SIX5: variants seen among roughly 807,000 people sequenced by gnomAD.
SIX5 encodes the protein SIX homeobox 5.
SIX5 carries 21 observed loss-of-function variants against 37.1 expected under a neutral mutation model. The ratio of observed to expected loss-of-function variants is 0.57; its 90% CI spans 0.40 to 0.81. The LOEUF (loss-of-function observed/expected upper bound fraction) is 0.81, where lower values mean the gene tolerates loss of function less well. SIX5 is among the 40% of genes least tolerant of loss of function. The pLI is 0.00. For missense variants in SIX5, 1,137 were observed against 1,025.1 expected (o/e 1.11, Z -1.49); for synonymous variants, 626 against 505.9 (o/e 1.24, Z -3.19).
chr19:45,766,836 G>T lies in SIX5; in HGVS notation c.1123C>A (p.Gln375Lys). The T allele has an allele frequency of 6.5e-7, 1 of 1,547,360 alleles. No homozygotes were observed. The highest frequency in any genetic ancestry group is 8.7e-7 in the Non-Finnish European group (1 of 1,149,270). ...GGAPPPQPSP[Q>K]GASETKTSLV... ...GAGGTCTTGGTCTCGCTGGCCCCCT[G>T]AGGGCTGGGCTGCGGTGGAGGGGCA... The change falls in exon 2 of 3, where the codon CAG (glutamine) becomes AAG (lysine). Residue 375 changes from glutamine to lysine, a missense_variant. By Grantham distance (53) the Gln-to-Lys change is moderately conservative. Around this residue, in one of 3 missense-constraint regions of SIX5, gnomAD observed 787 missense variants for 621.4 expected, o/e 1.27. Transcript: ENST00000317578.
In SIX5 at chr19:45,768,600, G is replaced by A; in HGVS notation, c.245C>T (p.Thr82Met). 1.5e-6 allele frequency: 2 copies of A among 1,325,528 alleles called. No individual in the cohort carries two copies. Among genetic ancestry groups the A allele is most frequent in the Non-Finnish European group, 9.6e-7 (1 of 1,046,950 alleles). 82.1% of individuals were successfully genotyped at this position (1,325,528 alleles called of 1,614,324 possible). ...SPPEAASEPP[T>M]GLRFSPEQVA... ...CTGCTCGGGCGAGAAGCGGAGGCCCGTGGGCGGTTCGGAAGCGGCCTCGGG... is the reference window on the plus strand; with the variant it reads ...CTGCTCGGGCGAGAAGCGGAGGCCCATGGGCGGTTCGGAAGCGGCCTCGGG... Residue 82 changes from threonine to methionine, a missense_variant, in exon 1 of 3, where the codon ACG becomes ATG. Coordinates refer to ENST00000317578, the MANE Select transcript of SIX5 (RefSeq NM_175875.5).
chr19:45,767,376 C>T (rs1044894729), intron 1 of SIX5, among the ~76,000 whole-genome samples: 2 of 152,168 alleles, frequency 1.3e-5, no homozygotes, highest in African/African-American at 4.8e-5. Context: ...CCTTGCTCTC[C>T]CCCACCTCGG....
chr19:45,766,042 T>C lies in SIX5; in HGVS notation c.1679A>G (p.Lys560Arg). ...IVTGVALQQG[K>R]IILTATFPTS... ...GGGGAAGGTGGCGGTGAGGATGATC[T>C]TGCCCTGCTGCAGGGCCACACCCGT... is the stretch of plus-strand genomic sequence containing the variant. Residue 560 changes from lysine to arginine, a missense_variant, in exon 3 of 3, where the codon AAG becomes AGG. Lys to Arg is a conservative substitution (Grantham distance 26, BLOSUM62 2). This residue lies in a region of SIX5 where 787 missense variants were observed against 621.4 expected (regional missense o/e 1.27). Transcript: ENST00000317578. 6.2e-7 allele frequency: 1 copy of C among 1,611,842 alleles called. No individual in the cohort carries two copies. The highest frequency in any genetic ancestry group is 8.5e-7 in the Non-Finnish European group (1 of 1,179,234).
intron 1 of SIX5, among the ~76,000 whole-genome samples, chr19:45,767,510 G>A (rs1220967464): frequency 6.6e-6 from 1 of 152,216 alleles, no homozygotes; most frequent in Non-Finnish European, 1.5e-5. Flanking sequence ...TGCCCTCCCC[G>A]CGGGGCGTCA....
rs1969047967 is a variant in SIX5, at chr19:45,765,405, G to C, written c.*96C>G. On this transcript the variant is annotated 3_prime_UTR_variant, in exon 3 of 3. Transcript: ENST00000317578. ...CCAGGCAGAAGGATGTGGTGACTGG[G>C]GTCTTCAGCAACCGCATTTCTGGGG... The C allele has an allele frequency of 4.5e-6, 7 of 1,561,174 alleles. No individual in the cohort carries two copies. Among genetic ancestry groups the C allele is most frequent in the East Asian group, 2.2e-5 (1 of 44,660 alleles).
At position 45,765,664 on chromosome 19, in the gene SIX5, C is replaced by A; in HGVS notation, c.2057G>T (p.Gly686Val). ...EGLLEAEKGL[G>V]TQAPHTVLRL... ...CAGCACGGTGTGGGGGGCCTGTGTC[C>A]CCAGCCCCTTTTCCGCTTCCAGCAG... is the stretch of plus-strand genomic sequence containing the variant. The change falls in exon 3 of 3, where the codon GGG (glycine) becomes GTG (valine). Residue 686 changes from glycine (G) to valine (V), a missense_variant. Gly to Val is a moderately radical substitution (Grantham distance 109, BLOSUM62 -3). This residue lies in a region of SIX5 where 787 missense variants were observed against 621.4 expected (regional missense o/e 1.27). Transcript: ENST00000317578. The A allele has an allele frequency of 6.2e-7, 1 of 1,612,790 alleles. No individual in the cohort carries two copies.
At position 45,768,606 on chromosome 19, in the gene SIX5, G is replaced by A. The variant is rs1411214747; in HGVS notation, c.239C>T (p.Pro80Leu). 30 of 1,292,026 alleles carry A rather than the reference G, an allele frequency of 2.3e-5. No individual in the cohort carries two copies. Among genetic ancestry groups the A allele is most frequent in the Admixed American group, 4.2e-5 (1 of 23,808 alleles). The allele number at this position is 1,292,026 out of a possible 1,614,324, so 80.0% of individuals were successfully genotyped here. The change falls in exon 1 of 3, where the codon CCG becomes CTG. Residue 80 changes from proline to leucine, a missense_variant. This residue lies in a region of SIX5 where 331 missense variants were observed against 360.9 expected (regional missense o/e 0.92). Coordinates refer to ENST00000317578, the MANE Select transcript of SIX5 (RefSeq NM_175875.5). ...GGGCGAGAAGCGGAGGCCCGTGGGC[G>A]GTTCGGAAGCGGCCTCGGGGGGCGA... Reference protein sequence around the residue: ...PGSPPEAASEPPTGLRFSPEQ... With the variant: ...PGSPPEAASELPTGLRFSPEQ...
At position 45,766,380 on chromosome 19, in the gene SIX5, C is replaced by G; in HGVS notation, c.1579G>C (p.Ala527Pro). Reference sequence around the variant, plus strand: ...GCAGTGGCCGAAGGCAGCTGCAGGGCAGTCACGCCCACCCCGGAGTTGATG... The same window carrying G: ...GCAGTGGCCGAAGGCAGCTGCAGGGGAGTCACGCCCACCCCGGAGTTGATG... Reference protein sequence around the residue: ...HLINSGVGVTALQLPSATAPG... With the variant: ...HLINSGVGVTPLQLPSATAPG... The change falls in exon 2 of 3, where the codon GCC becomes CCC. Residue 527 changes from alanine to proline, a missense_variant. By Grantham distance (27) the Ala-to-Pro change is conservative (BLOSUM62 -1). Around this residue, in one of 3 missense-constraint regions of SIX5, gnomAD observed 787 missense variants for 621.4 expected, o/e 1.27. Transcript: ENST00000317578. 6.3e-7 allele frequency: 1 copy of G among 1,590,210 alleles called. No individual in the cohort carries two copies.
At chr19:45,767,690 G>A (rs1220812729) in intron 1 of SIX5, 2 of 372,030 alleles carry the variant, frequency 5.4e-6, no homozygotes, top group African/African-American at 2.1e-5. Flanking sequence ...AGTGAAGAAA[G>A]GGGGCTGGGA....
rs749074255 is a variant in SIX5, at chr19:45,766,396, G to A, written c.1563C>T (p.Ser521=). The change falls in exon 2 of 3, where the codon TCC becomes TCT. Residue 521 remains serine, a synonymous_variant. Transcript: ENST00000317578. ...AGPANVHLIN[S]GVGVTALQLP... The stretch of plus-strand genomic sequence containing the variant: ...GCTGCAGGGCAGTCACGCCCACCCC[G>A]GAGTTGATGAGGTGCACATTGGCAG... 145 of 1,588,420 alleles carry A rather than the reference G, an allele frequency of 9.1e-5. No individual in the cohort carries two copies. The highest frequency in any genetic ancestry group is 6.9e-5 in the South Asian group (6 of 87,194).
chr19:45,767,913 T>G, intron 1 of SIX5, 129 bp downstream of exon 1: 76 of 994,222 alleles, frequency 7.6e-5, no homozygotes, highest in Non-Finnish European at 9.8e-5. Flanking sequence ...GCGCCTGAGA[T>G]TGTGAGCTGG....
At position 45,768,825 on chromosome 19, in the gene SIX5, T is replaced by A; in HGVS notation, c.20A>T (p.Glu7Val). 1 of 1,513,874 alleles carries A rather than the reference T, an allele frequency of 6.6e-7. No homozygotes were observed. Among genetic ancestry groups the A allele is most frequent in the Non-Finnish European group, 8.8e-7 (1 of 1,136,528 alleles). The allele number at this position is 1,513,874 out of a possible 1,614,324, so 93.8% of individuals were successfully genotyped here. A position where few individuals can be genotyped will look rare whatever the true frequency, so the allele number is the denominator to read the frequency against. The change falls in exon 1 of 3, where the codon GAG (glutamate) becomes GTG (valine). Residue 7 changes from glutamate to valine, a missense_variant. By Grantham distance (121) the Glu-to-Val change is moderately radical. Around this residue, in one of 3 missense-constraint regions of SIX5, gnomAD observed 331 missense variants for 360.9 expected, o/e 0.92. Transcript: ENST00000317578. ...CCCAGCCGCCGGCCCCGCGCTCGGC[T>A]CCGCAGGCAAGGTAGCCATGTTTTG... MATLPA[E>V]PSAGPAAGGE...
rs756193697 is a variant in SIX5 at position 45,765,729 on chromosome 19, G to A, written c.1992C>T (p.Val664=). Reference sequence around the variant, plus strand: ...CGCTTAGTTCCAGCCCTGCTGACCAGACAGGCACGGCCGCGGGTGACAACA... The same window carrying A: ...CGCTTAGTTCCAGCCCTGCTGACCAAACAGGCACGGCCGCGGGTGACAACA... The part of the protein sequence containing the change: ...GLMLSPAAVP[V]WSAGLELSAG... Residue 664 remains valine, a synonymous_variant, in exon 3 of 3, where the codon GTC becomes GTT. Coordinates refer to ENST00000317578, the MANE Select transcript of SIX5 (RefSeq NM_175875.5). 5.0e-6 allele frequency: 8 copies of A among 1,612,496 alleles called. No individual in the cohort carries two copies. In the Admixed American group the frequency reaches 5.0e-5, roughly 10 times the overall value.
chr19:45,768,155 C>T lies in SIX5; in HGVS notation c.690G>A (p.Glu230=). Residue 230 remains glutamate (E), a synonymous_variant, in exon 1 of 3, where the codon GAG becomes GAA. Coordinates refer to ENST00000317578, the MANE Select transcript of SIX5 (RefSeq NM_175875.5). The part of the protein sequence containing the change: ...YRGNRYPTPD[E]KRRLATLTGL... ...CGGTGAGTGTGGCCAGGCGGCGCTTCTCGTCCGGCGTGGGGTAGCGGTTGC... is the reference window on the plus strand; with the variant it reads ...CGGTGAGTGTGGCCAGGCGGCGCTTTTCGTCCGGCGTGGGGTAGCGGTTGC... 1 of 1,612,060 alleles carries T rather than the reference C, an allele frequency of 6.2e-7. No individual in the cohort carries two copies. The highest frequency in any genetic ancestry group is 1.1e-5 in the South Asian group (1 of 91,040).
intron 1 of SIX5, chr19:45,767,814 G>C (rs923806422): frequency 3.4e-6 from 2 of 582,372 alleles, no homozygotes; most frequent in Non-Finnish European, 6.1e-6. Flanking sequence ...AAGGAGCTCG[G>C]AATGGAGCCG....
chr19:45,765,741 C>T lies in SIX5; in HGVS notation c.1980G>A (p.Ala660=), dbSNP rs573325454. The change falls in exon 3 of 3, where the codon GCG becomes GCA. Residue 660 remains alanine, a synonymous_variant. Transcript: ENST00000317578. ...GCCCTGCTGACCAGACAGGCACGGC[C>T]GCGGGTGACAACATCAGCCCCTCTG... The part of the protein sequence containing the change: ...PPPEGLMLSP[A]AVPVWSAGLE... The T allele has an allele frequency of 2.3e-5, 37 of 1,611,886 alleles. No individual in the cohort carries two copies. The highest frequency in any genetic ancestry group is 5.3e-5 in the African/African-American group (4 of 75,040).
chr19:45,767,650 T>C, intron 1 of SIX5: 1 of 279,454 alleles, frequency 3.6e-6, no homozygotes, highest in South Asian at 6.7e-5. Flanking sequence ...CCGGAGGGAG[T>C]GTGGGGGCGG....
rs1969043811 is a variant in SIX5, at chr19:45,765,208, G to A, written c.*293C>T. On this transcript the variant is annotated 3_prime_UTR_variant, in exon 3 of 3. Transcript: ENST00000317578. ...GTGTTCCGCTTACAGCTAGTACCAA[G>A]TGGAGGGGGCAGGGCCCCTGAGTCA... 7.5e-6 allele frequency: 4 copies of A among 532,840 alleles called. No homozygotes were observed. Among genetic ancestry groups the A allele is most frequent in the Non-Finnish European group, 1.4e-5 (4 of 293,536 alleles). 33.0% of individuals were successfully genotyped at this position (532,840 alleles called of 1,614,324 possible). A position where few individuals can be genotyped will look rare whatever the true frequency, so the allele number is the denominator to read the frequency against.
Position 45,765,239 on chromosome 19 carries a change from C to T in SIX5, c.*262G>A. 1.7e-6 allele frequency: 1 copy of T among 577,522 alleles called. No homozygotes were observed. The highest frequency in any genetic ancestry group is 1.9e-5 in the African/African-American group (1 of 53,578). The allele number at this position is 577,522 out of a possible 1,614,324, so 35.8% of individuals were successfully genotyped here. On this transcript the variant is annotated 3_prime_UTR_variant, in exon 3 of 3. Transcript: ENST00000317578. ...GGGGCAGGGCCCCTGAGTCAGGACC[C>T]TGAGTCCCCCACGTATATGGCAGGG...
Sources: allele counts gnomAD v4.1 joint callset (sites outside exome capture counted in the v4.1 genomes callset), GRCh38; gene constraint gnomAD v4.1.1; regional missense constraint gnomAD v4.1.1; transcripts MANE v1.5; gene names NCBI Gene and HGNC (gene_info 2026-07-23, HGNC 2026-07-21).